SORCS2: variants seen among roughly 807,000 people sequenced by gnomAD.
The protein encoded by SORCS2 is sortilin related VPS10 domain containing receptor 2, also known as VPS10 domain-containing receptor SorCS2.
In SORCS2, 100 loss-of-function variants were observed where a neutral mutation model predicts 141.6. The ratio of observed to expected loss-of-function variants is 0.71; its 90% CI spans 0.60 to 0.83. The LOEUF is 0.83. SORCS2 is among the 40% of genes least tolerant of loss of function. The probability of loss-of-function intolerance (pLI) is 0.00; values close to 1 mark genes in which losing one functional copy is unlikely to be tolerated. For synonymous variants in SORCS2, 789 were observed against 676.9 expected (o/e 1.17, Z -2.57); for missense variants, 1,646 against 1,560.2 (o/e 1.05, Z -0.93).
chr4:7,530,626 T>G (rs1711562132), intron 2 of SORCS2, among the ~76,000 whole-genome samples: 1 of 152,224 alleles, frequency 6.6e-6, no homozygotes, highest in Non-Finnish European at 1.5e-5. Flanking sequence ...GCAATCCCAG[T>G]ATATTTTAAT....
At chr4:7,553,286 AT>A (rs1009538346) in intron 3 of SORCS2, among the ~76,000 whole-genome samples, 1 of 151,700 alleles carries the variant, frequency 6.6e-6, no homozygotes, top group Non-Finnish European at 1.5e-5. Flanking sequence ...TCATATTCTG[AT>A]TTTTTTTCTT....
At chr4:7,295,221 TCTC>T (rs1436831905) in intron 1 of SORCS2, among the ~76,000 whole-genome samples, 4 of 84,198 alleles carry the variant, frequency 4.8e-5, no homozygotes, top group Non-Finnish European at 6.7e-5. Flanking sequence ...CCTCTCTCTC[TCTC>T]CTCCTTCCCC....
intron 3 of SORCS2, among the ~76,000 whole-genome samples, chr4:7,547,638 C>T (rs1224396084): frequency 6.6e-6 from 1 of 152,202 alleles, no homozygotes; most frequent in Non-Finnish European, 1.5e-5. Flanking sequence ...GGTTCAGATC[C>T]TGCCTCCTTC....
rs112619284 is a variant in SORCS2 at position 7,397,507 on chromosome 4, C to T, written c.548+1152C>T. Among the ~76,000 whole-genome samples the T allele has an allele frequency of 6.7e-3, 1,012 of 152,158 alleles. 4 individuals are homozygous for T. Among genetic ancestry groups the T allele is most frequent in the African/African-American group, 0.022 (923 of 41,510 alleles). ...CAGACCCACTGGTCTCTTCTAATTC[C>T]GTCGTCACCACCAGAAAACGGGGGG... On this transcript the variant is annotated intron_variant, in intron 2 of 26. Transcript: ENST00000507866.
chr4:7,319,458 A>G (rs2108940471), intron 1 of SORCS2, among the ~76,000 whole-genome samples: 1 of 152,176 alleles, frequency 6.6e-6, no homozygotes, highest in South Asian at 2.1e-4. Context: ...TAATCCTAGC[A>G]CTTGGGGAGG....
chr4:7,480,441 G>A (rs1348974719), intron 2 of SORCS2, among the ~76,000 whole-genome samples: 1 of 152,198 alleles, frequency 6.6e-6, no homozygotes, highest in East Asian at 1.9e-4. Flanking sequence ...CAGCCCGGGG[G>A]GTTGGAGGAA....
At chr4:7,240,891 T>C (rs1712647587) in intron 1 of SORCS2, among the ~76,000 whole-genome samples, 1 of 152,212 alleles carries the variant, frequency 6.6e-6, no homozygotes, top group South Asian at 2.1e-4. Context: ...CATAGGATTC[T>C]CAGCTCAATT....
chr4:7,218,249 T>C (rs1248578076), intron 1 of SORCS2, among the ~76,000 whole-genome samples: 1 of 152,206 alleles, frequency 6.6e-6, no homozygotes, highest in Non-Finnish European at 1.5e-5. Flanking sequence ...TCACCTCCCA[T>C]CCAGGCAGTT....
chr4:7,326,297 A>G (rs1479608278), intron 1 of SORCS2, among the ~76,000 whole-genome samples: 1 of 152,056 alleles, frequency 6.6e-6, no homozygotes, highest in East Asian at 1.9e-4. Context: ...AGAGTCCTTG[A>G]GTCCACAGGT....
chr4:7,405,067 G>T (rs1724884366), intron 2 of SORCS2, among the ~76,000 whole-genome samples: 1 of 152,044 alleles, frequency 6.6e-6, no homozygotes, highest in African/African-American at 2.4e-5. Flanking sequence ...TCATTCTTCT[G>T]CATAGGACAA....
chr4:7,613,175 C>T (rs1013139416), intron 3 of SORCS2, among the ~76,000 whole-genome samples: 3 of 152,270 alleles, frequency 2.0e-5, no homozygotes, highest in Non-Finnish European at 4.4e-5. Flanking sequence ...GCTGAACAAG[C>T]ATCGGGGCAT....
intron 1 of SORCS2, among the ~76,000 whole-genome samples, chr4:7,284,384 T>C (rs1222908334): frequency 6.6e-6 from 1 of 152,220 alleles, no homozygotes; most frequent in Non-Finnish European, 1.5e-5. Context: ...TGAGCCTGTT[T>C]CCTTGCCTGT....
At chr4:7,599,823 C>CTTTTTTT (rs1370483227) in intron 3 of SORCS2, among the ~76,000 whole-genome samples, 3 of 139,144 alleles carry the variant, frequency 2.2e-5, no homozygotes, top group Non-Finnish European at 3.1e-5. Flanking sequence ...TTTCTTTTTT[C>CTTTTTTT]TTTTTTTTTT....
intron 14 of SORCS2, among the ~76,000 whole-genome samples, chr4:7,709,512 C>T (rs1056828588): frequency 1.4e-4 from 22 of 152,242 alleles, no homozygotes; most frequent in Admixed American, 3.9e-4. Context: ...ACAGTTCCTC[C>T]AGACCCCCTG....
chr4:7,728,519 A>G (rs567325461), intron 22 of SORCS2, 57 bp downstream of exon 22: 2 of 1,327,764 alleles, frequency 1.5e-6, no homozygotes, highest in African/African-American at 2.9e-5. Context: ...GCATCCAGAG[A>G]AGCCCAAGGG....
At chr4:7,195,190 GTGTGTGT>G in intron 1 of SORCS2, among the ~76,000 whole-genome samples, 1 of 113,866 alleles carries the variant, frequency 8.8e-6, no homozygotes, top group Non-Finnish European at 1.8e-5. Flanking sequence ...GTGTGTGTGT[GTGTGTGT>G]TGTGGGGGGA....
intron 14 of SORCS2, among the ~76,000 whole-genome samples, chr4:7,707,528 G>A (rs531002278): frequency 2.6e-5 from 4 of 152,334 alleles, no homozygotes; most frequent in South Asian, 2.1e-4. Context: ...AATTCCTGCC[G>A]CCTTCAATTC....
intron 1 of SORCS2, among the ~76,000 whole-genome samples, chr4:7,287,357 G>A (rs988501556): frequency 2.6e-5 from 4 of 152,328 alleles, no homozygotes; most frequent in African/African-American, 7.2e-5. Flanking sequence ...GTCTGGGTGC[G>A]TCCCAACGGG....
At chr4:7,448,625 CCTTCCTTA>C (rs1424381349) in intron 2 of SORCS2, among the ~76,000 whole-genome samples, 2 of 117,474 alleles carry the variant, frequency 1.7e-5, no homozygotes, top group East Asian at 2.4e-4. Flanking sequence ...TTCCTTCCTT[CCTTCCTTA>C]TTTCTTGCCT....
Sources: gnomAD v4.1 joint callset for allele counts (sites outside exome capture counted in the v4.1 genomes callset) on GRCh38, gnomAD v4.1.1 for gene constraint, MANE v1.5 for transcripts, NCBI Gene and HGNC (gene_info 2026-07-23, HGNC 2026-07-21) for gene names.